The following HEG1 variants were observed in gnomAD, a reference collection of about 807,000 sequenced individuals.
The protein encoded by HEG1 is heart development protein with EGF like domains 1, also known as protein HEG homolog 1.
A neutral mutation model predicts 125.6 loss-of-function variants in HEG1; 56 were observed. The observed-to-expected ratio is 0.45, with a 90% CI of 0.36 to 0.56. The LOEUF (loss-of-function observed/expected upper bound fraction) is 0.56. Ranked by LOEUF, HEG1 falls within the 20% of genes least tolerant of loss-of-function variation. The pLI, the probability that HEG1 is intolerant of heterozygous loss-of-function variation, is 0.00. For missense variants in HEG1, 1,523 were observed against 1,670.0 expected, an observed-to-expected ratio of 0.91 and a Z score of 1.53; for synonymous variants, 644 against 668.5, an observed-to-expected ratio of 0.96 and a Z score of 0.57.
chr3:125,033,562 G>A (rs1937518556), intron 1 of HEG1, among the ~76,000 whole-genome samples: 2 of 152,088 alleles, frequency 1.3e-5, no homozygotes. Context: ...CCCTCGTATG[G>A]GTGTGCTGTA....
chr3:125,031,732 GCACACATACA>G (rs1164351061), intron 1 of HEG1, among the ~76,000 whole-genome samples: 2 of 145,424 alleles, frequency 1.4e-5, no homozygotes, highest in African/African-American at 5.1e-5. Flanking sequence ...ACACACACAG[GCACACATACA>G]CACACATACA....
intron 1 of HEG1, among the ~76,000 whole-genome samples, chr3:125,053,896 CT>C (rs1437176134): frequency 2.0e-5 from 3 of 152,208 alleles, no homozygotes; most frequent in African/African-American, 7.2e-5. Context: ...GATCCCGCCC[CT>C]AAGAGAAGGA....
intron 12 of HEG1, among the ~76,000 whole-genome samples, chr3:124,993,820 G>A (rs1579404978): frequency 6.6e-6 from 1 of 152,210 alleles, no homozygotes; most frequent in East Asian, 1.9e-4. Flanking sequence ...CTGCCCGCGA[G>A]CTGATGGGTT....
chr3:124,982,109 C>T lies in HEG1; in HGVS notation c.3734-4163G>A, dbSNP rs1055133416. Among the ~76,000 whole-genome samples, 6 of 152,132 alleles carry T rather than the reference C, an allele frequency of 3.9e-5. No individual in the cohort carries two copies. In the East Asian group the frequency reaches 1.2e-3, roughly 29 times the overall value. ...GAGAGATGGAGTTTCACCATGTTGG[C>T]CAGGCTGGTCTCAAACTCCTGACCT... On this transcript the variant is annotated intron_variant, in intron 14 of 16. Transcript: ENST00000311127.
In HEG1 at chr3:125,029,322, A is replaced by G. The variant is rs775594476; in HGVS notation, c.483T>C (p.Thr161=). The G allele has an allele frequency of 2.3e-5, 37 of 1,613,880 alleles. 1 individual carries two copies. The South Asian group carries it at 4.0e-4, about 17-fold the overall frequency. Residue 161 remains threonine, a synonymous_variant, in exon 2 of 17, where the codon ACT becomes ACC. Coordinates refer to ENST00000311127, the MANE Select transcript of HEG1 (RefSeq NM_020733.2). ...TAGCATCTGCTGTTTCAGCGAGTAG[A>G]GTGAGGTTTTCTGGAGCATCCGAAG... is the stretch of plus-strand genomic sequence containing the variant. ...HAASDAPENL[T]LLAETADARG...
At chr3:125,046,532 A>G (rs1447224965) in intron 1 of HEG1, among the ~76,000 whole-genome samples, 1 of 151,858 alleles carries the variant, frequency 6.6e-6, no homozygotes, top group Non-Finnish European at 1.5e-5. Context: ...TCAGCTCCCA[A>G]AGTGCTGGGT....
intron 3 of HEG1, among the ~76,000 whole-genome samples, chr3:125,025,976 C>T (rs1937408590): frequency 6.6e-6 from 1 of 152,210 alleles, no homozygotes; most frequent in South Asian, 2.1e-4. Context: ...GCTTTGATGA[C>T]ACAAACCCAA....
chr3:125,028,285 A>C (rs1394294004), intron 2 of HEG1, among the ~76,000 whole-genome samples: 1 of 152,162 alleles, frequency 6.6e-6, no homozygotes, highest in African/African-American at 2.4e-5. Flanking sequence ...AGAAACCTTC[A>C]CTGACTCTTG....
At chr3:125,047,148 A>G (rs995630693) in intron 1 of HEG1, among the ~76,000 whole-genome samples, 2 of 152,238 alleles carry the variant, frequency 1.3e-5, no homozygotes, top group Non-Finnish European at 1.5e-5. Flanking sequence ...CGAGGGGAAG[A>G]CCAGTTAACA....
At position 125,055,781 on chromosome 3, in the gene HEG1, G is replaced by A. The variant is rs1404166921; in HGVS notation, c.110C>T (p.Pro37Leu). 6 of 990,934 alleles carry A rather than the reference G, an allele frequency of 6.1e-6. No homozygotes were observed. The African/African-American group carries it at 8.8e-5, about 15-fold the overall frequency. The allele number at this position is 990,934 out of a possible 1,614,324, so 61.4% of individuals were successfully genotyped here. Residue 37 changes from proline to leucine, a missense_variant, in exon 1 of 17, where the codon CCG becomes CTG. Pro to Leu is a moderately conservative substitution (Grantham distance 98). Transcript: ENST00000311127. ...APGTRDPPPS[P>L]ARRALSLAPL... ...CGCCAGGCTCAGCGCGCGGCGAGCC[G>A]GGGAAGGCGGCGGGTCCCGCGTCCC...
intron 7 of HEG1, 40 bp downstream of exon 7, chr3:125,010,399 T>C: frequency 2.3e-6 from 3 of 1,286,224 alleles, no homozygotes; most frequent in Non-Finnish European, 3.3e-6. Context: ...CCCAACGTGG[T>C]ACTGTGGTGC....
chr3:125,019,238 G>A (rs1417164836), intron 5 of HEG1, 24 bp downstream of exon 5: 1 of 1,579,704 alleles, frequency 6.3e-7, no homozygotes, highest in African/African-American at 1.3e-5. Context: ...ATGGGGCACA[G>A]TTGCATGAAA....
chr3:124,987,611 C>T (rs548618194), intron 14 of HEG1, among the ~76,000 whole-genome samples: 5 of 137,862 alleles, frequency 3.6e-5, no homozygotes, highest in South Asian at 2.4e-4. Flanking sequence ...CAAGCTCCGC[C>T]CCCCCAGGTT....
At chr3:125,026,599 C>T (rs114027408) in intron 3 of HEG1, among the ~76,000 whole-genome samples, 79 of 152,122 alleles carry the variant, frequency 5.2e-4, no homozygotes, top group African/African-American at 1.9e-3. Context: ...TCTTTACCAT[C>T]GAAGGAAACA....
At chr3:124,999,628 T>A (rs961058044) in intron 11 of HEG1, among the ~76,000 whole-genome samples, 1 of 152,244 alleles carries the variant, frequency 6.6e-6, no homozygotes, top group Non-Finnish European at 1.5e-5. Flanking sequence ...TGCAAAAGCA[T>A]GGGACACAGG....
chr3:124,997,423 A>G (rs1219366932), intron 12 of HEG1, among the ~76,000 whole-genome samples: 1 of 152,246 alleles, frequency 6.6e-6, no homozygotes, highest in Non-Finnish European at 1.5e-5. Flanking sequence ...GGAAAAAAAA[A>G]GAAAAGGCAC....
Position 125,013,890 on chromosome 3 carries a change from T to C in HEG1, c.1689A>G (p.Lys563=), listed in dbSNP as rs1343920209. The change falls in exon 6 of 17, where the codon AAA becomes AAG. Residue 563 remains lysine (K), a synonymous_variant. Transcript: ENST00000311127. ...DHTYLSSTFT[K]GERALLSITD... is the part of the protein sequence containing the mutation. Reference sequence around the variant, plus strand: ...TAATGGACAGTAACGCCCGTTCTCCTTTGGTGAAAGTAGATGACAGGTAGG... The same window carrying C: ...TAATGGACAGTAACGCCCGTTCTCCCTTGGTGAAAGTAGATGACAGGTAGG... The C allele has an allele frequency of 6.2e-7, 1 of 1,613,846 alleles. No homozygotes were observed. The highest frequency in any genetic ancestry group is 1.3e-5 in the African/African-American group (1 of 75,002).
chr3:125,011,963 C>T (rs899883293), intron 6 of HEG1, among the ~76,000 whole-genome samples: 1 of 152,200 alleles, frequency 6.6e-6, no homozygotes, highest in Admixed American at 6.5e-5. Flanking sequence ...ACAAAAACAA[C>T]CCTAAGTGTG....
chr3:124,994,586 A>C (rs1414788931), intron 12 of HEG1, among the ~76,000 whole-genome samples: 1 of 151,698 alleles, frequency 6.6e-6, no homozygotes, highest in Non-Finnish European at 1.5e-5. Flanking sequence ...GCTCACTGCA[A>C]CCTCCGCCTC....
Sources: allele counts gnomAD v4.1 joint callset (sites outside exome capture counted in the v4.1 genomes callset), GRCh38; gene constraint gnomAD v4.1.1; transcripts MANE v1.5; gene names NCBI Gene and HGNC (gene_info 2026-07-23, HGNC 2026-07-21).